The following CLDN2 variants were observed in gnomAD, a reference collection of about 807,000 sequenced individuals.
The protein encoded by CLDN2 is claudin-2.
In CLDN2, 1 loss-of-function variant was observed where a neutral mutation model predicts 8.2. That is an observed-to-expected ratio of 0.12 (90% confidence interval 0.04 to 0.58). The LOEUF (loss-of-function observed/expected upper bound fraction) is 0.58, where lower values mean the gene tolerates loss of function less well. Ranked by LOEUF, CLDN2 falls within the 20% of genes least tolerant of loss-of-function variation. The pLI is 0.90. For synonymous variants in CLDN2, 70 were observed against 70.2 expected, an observed-to-expected ratio of 1.00 and a Z score of 0.01; for missense variants, 108 against 172.9, an observed-to-expected ratio of 0.62 and a Z score of 2.11.
intron 1 of CLDN2, among the ~76,000 whole-genome samples, chrX:106,905,889 A>G: frequency 1.8e-5 from 2 of 111,560 alleles, no homozygotes; most frequent in Middle Eastern, 9.3e-3. Flanking sequence ...CCCAGCTCCC[A>G]GCATGCTCTC....
intron 1 of CLDN2, among the ~76,000 whole-genome samples, chrX:106,922,516 G>A (rs1468483399): frequency 8.9e-6 from 1 of 112,546 alleles, no homozygotes; most frequent in East Asian, 2.8e-4. Flanking sequence ...ATCCCAGGAA[G>A]GCTGAAGCAG....
chrX:106,918,477 T>C (rs757996708), upstream of CLDN2: 1 of 112,284 alleles, frequency 8.9e-6, no homozygotes, highest in Non-Finnish European at 1.9e-5. Context: ...AAGGTAGGGA[T>C]GGGCCGCCTT....
In CLDN2 at chrX:106,901,284, C is replaced by T. The variant is rs760877137; in HGVS notation, c.-179+780C>T. On this transcript the variant is annotated intron_variant, in intron 1 of 1. Transcript: ENST00000541806. Reference sequence around the variant, plus strand: ...TCCATGGGGGATCATTCTTGGGCATCGTTAACAATGCCTCTAGAAAAGACA... The same window carrying T: ...TCCATGGGGGATCATTCTTGGGCATTGTTAACAATGCCTCTAGAAAAGACA... Among the ~76,000 whole-genome samples the T allele has an allele frequency of 2.7e-5, 3 of 112,012 alleles. No individual in the cohort carries two copies. In the East Asian group the frequency reaches 8.5e-4, roughly 32 times the overall value.
chrX:106,919,608 C>T (rs373975625), upstream of CLDN2, among the ~76,000 whole-genome samples: 2 of 111,421 alleles, frequency 1.8e-5, no homozygotes, highest in East Asian at 2.8e-4. Context: ...CTCAGCTTCC[C>T]GTGTAGCTGG....
At chrX:106,900,875 A>C in intron 1 of CLDN2, 1 of 1,210,867 alleles carries the variant, frequency 8.3e-7, no homozygotes, top group South Asian at 1.8e-5. Flanking sequence ...CACTGTACAG[A>C]TAGTCGAAGG....
rs768907606 is a variant in CLDN2 at position 106,928,551 on chromosome X, G to A, written c.323G>A (p.Cys108Tyr). The change falls in exon 2 of 2, where the codon TGC becomes TAC. Residue 108 changes from cysteine to tyrosine, a missense_variant. Physicochemically the swap from Cys to Tyr is radical, Grantham distance 194. This residue lies in a region of CLDN2 where 81 missense variants were observed against 100.8 expected (regional missense o/e 0.80). Coordinates refer to ENST00000336803, the MANE Select transcript of CLDN2 (RefSeq NM_020384.4). ...GTGGGCATGAGATGCACAGTCTTCT[G>A]CCAGGAATCCCGAGCCAAAGACAGA... Reference protein sequence around the residue: ...SVVGMRCTVFCQESRAKDRVA... With the variant: ...SVVGMRCTVFYQESRAKDRVA... 8.3e-7 allele frequency: 1 copy of A among 1,211,706 alleles called. No homozygotes were observed. The highest frequency in any genetic ancestry group is 1.8e-5 in the South Asian group (1 of 56,940).
chrX:106,924,937 A>G (rs1302511492), intron 1 of CLDN2, among the ~76,000 whole-genome samples: 1 of 109,491 alleles, frequency 9.1e-6, no homozygotes, highest in Non-Finnish European at 1.9e-5. Flanking sequence ...CTCTTTGCCA[A>G]CTTCATTCAT....
At chrX:106,900,575 T>C (rs1602450669) in intron 1 of CLDN2, 2 of 877,340 alleles carry the variant, frequency 2.3e-6, no homozygotes, top group Middle Eastern at 4.4e-4. Context: ...GCTGGACTAA[T>C]ACTTCCGGCT....
At chrX:106,924,785 C>A (rs1204317675) in intron 1 of CLDN2, among the ~76,000 whole-genome samples, 1 of 101,809 alleles carries the variant, frequency 9.8e-6, no homozygotes, top group South Asian at 4.6e-4. Flanking sequence ...TCTCTCCCCC[C>A]TTACCTCTTT....
Position 106,900,890 on chromosome X carries a change from G to C in CLDN2, c.-179+386G>C, listed in dbSNP as rs1341033965. On this transcript the variant is annotated intron_variant, in intron 1 of 1. Transcript: ENST00000541806. ...CACTGTACAGATAGTCGAAGGAGCG[G>C]GATTTAGGCCAGAAGAGCCTGTGGA... The C allele has an allele frequency of 5.8e-6, 7 of 1,208,908 alleles. No homozygotes were observed. In the East Asian group the frequency reaches 2.1e-4, roughly 36 times the overall value.
At chrX:106,914,791 G>A (rs1173148537), upstream of CLDN2, among the ~76,000 whole-genome samples, 1 of 111,643 alleles carries the variant, frequency 9.0e-6, no homozygotes, top group Non-Finnish European at 1.9e-5. Flanking sequence ...ACAAATAAAA[G>A]CCCTTTGGAG....
chrX:106,901,043 A>T, intron 1 of CLDN2: 2 of 1,020,862 alleles, frequency 2.0e-6, no homozygotes, highest in South Asian at 2.8e-5. Flanking sequence ...GGAAGAAAGA[A>T]AGTTTTGTAA....
At chrX:106,904,965 T>C (rs937879282) in intron 1 of CLDN2, among the ~76,000 whole-genome samples, 1 of 111,603 alleles carries the variant, frequency 9.0e-6, no homozygotes, top group African/African-American at 3.3e-5. Context: ...GTGGGGTGGA[T>C]TTTTACTTTA....
chrX:106,902,280 C>T, intron 1 of CLDN2: 1 of 947,737 alleles, frequency 1.1e-6, no homozygotes, highest in Admixed American at 2.7e-5. Context: ...CCTGAGATAA[C>T]AAGAGACCTC....
intron 1 of CLDN2, among the ~76,000 whole-genome samples, chrX:106,906,669 C>A (rs1399051429): frequency 9.0e-6 from 1 of 111,478 alleles, no homozygotes; most frequent in Non-Finnish European, 1.9e-5. Flanking sequence ...GCCCTCTCTT[C>A]TCAGGGGACA....
At chrX:106,908,339 A>T (rs1933205856) in intron 1 of CLDN2, among the ~76,000 whole-genome samples, 1 of 111,533 alleles carries the variant, frequency 9.0e-6, no homozygotes. Flanking sequence ...GAAAATGTCC[A>T]AACTCCTTCG....
chrX:106,925,630 G>A (rs1933455173), intron 1 of CLDN2, among the ~76,000 whole-genome samples: 1 of 112,374 alleles, frequency 8.9e-6, no homozygotes, highest in Admixed American at 9.4e-5. Flanking sequence ...AGATTAATGT[G>A]TTGAAAGATC....
chrX:106,903,250 A>G (rs1416336240), intron 1 of CLDN2: 8 of 1,208,065 alleles, frequency 6.6e-6, no homozygotes, highest in Non-Finnish European at 7.8e-6. Flanking sequence ...CAGGGCTGGA[A>G]CAGGGGTGGC....
At chrX:106,921,103 A>C (rs1411805729) in intron 1 of CLDN2, among the ~76,000 whole-genome samples, 1 of 112,408 alleles carries the variant, frequency 8.9e-6, no homozygotes, top group Non-Finnish European at 1.9e-5. Context: ...CTCTTTGAAA[A>C]TGCAGTTGGA....
Sources: allele counts gnomAD v4.1 joint callset (sites outside exome capture counted in the v4.1 genomes callset), GRCh38; gene constraint gnomAD v4.1.1; regional missense constraint gnomAD v4.1.1; transcripts MANE v1.5; gene names NCBI Gene and HGNC (gene_info 2026-07-23, HGNC 2026-07-21).